The following TGFBR3 variants were observed in gnomAD, a reference collection of about 807,000 sequenced individuals.
TGFBR3 encodes the protein transforming growth factor beta receptor type 3.
In TGFBR3, 46 loss-of-function variants were observed where a neutral mutation model predicts 87.9. The observed-to-expected ratio is 0.52, with a 90% confidence interval of 0.41 to 0.67. The LOEUF (loss-of-function observed/expected upper bound fraction) is 0.67. TGFBR3 is among the 30% of genes least tolerant of loss of function. TGFBR3 has a pLI of 0.00. For synonymous variants in TGFBR3, 381 were observed against 391.6 expected (o/e 0.97, Z 0.32); for missense variants, 866 against 1,041.9 (o/e 0.83, Z 2.32).
At chr1:91,806,564 C>A (rs1249644930) in intron 2 of TGFBR3, among the ~76,000 whole-genome samples, 1 of 152,088 alleles carries the variant, frequency 6.6e-6, no homozygotes, top group Non-Finnish European at 1.5e-5. Flanking sequence ...CCAATGCATA[C>A]CAAGTTGACA....
chr1:91,787,461 C>T (rs1344443374), intron 3 of TGFBR3, among the ~76,000 whole-genome samples: 1 of 152,176 alleles, frequency 6.6e-6, no homozygotes, highest in East Asian at 1.9e-4. Flanking sequence ...ACCACAGTGA[C>T]AGCCACTCCT....
chr1:91,809,746 A>G (rs1675962785), intron 2 of TGFBR3, among the ~76,000 whole-genome samples: 1 of 152,162 alleles, frequency 6.6e-6, no homozygotes, highest in Non-Finnish European at 1.5e-5. Context: ...TATAGGTCCC[A>G]ATTATAAGAC....
intron 4 of TGFBR3, among the ~76,000 whole-genome samples, chr1:91,755,600 G>C (rs535909942): frequency 6.6e-6 from 1 of 152,292 alleles, no homozygotes; most frequent in East Asian, 1.9e-4. Flanking sequence ...ACATGGGATT[G>C]ATCCAAATGG....
intron 3 of TGFBR3, among the ~76,000 whole-genome samples, chr1:91,774,945 T>C (rs1423875563): frequency 6.6e-6 from 1 of 152,210 alleles, no homozygotes; most frequent in Non-Finnish European, 1.5e-5. Flanking sequence ...GAAATTTATA[T>C]ATAATAAAAT....
chr1:91,703,865 A>G (rs763273305), intron 14 of TGFBR3, among the ~76,000 whole-genome samples: 9 of 152,252 alleles, frequency 5.9e-5, no homozygotes, highest in African/African-American at 9.6e-5. Flanking sequence ...TGAAAATCAC[A>G]GAACTTCTCC....
chr1:91,878,875 C>CAGA (rs150176667), intron 1 of TGFBR3, among the ~76,000 whole-genome samples: 1,694 of 152,334 alleles, frequency 0.011, 10 homozygotes, highest in South Asian at 0.047. Context: ...ACTAGGAGTC[C>CAGA]AATGTCCAGA....
chr1:91,702,953 G>A (rs1385077441), intron 14 of TGFBR3, among the ~76,000 whole-genome samples: 5 of 152,148 alleles, frequency 3.3e-5, no homozygotes, highest in African/African-American at 1.2e-4. Flanking sequence ...GCTGAGGCAG[G>A]AGAATCACTT....
intron 3 of TGFBR3, among the ~76,000 whole-genome samples, chr1:91,795,195 T>C (rs1403452765): frequency 1.3e-5 from 2 of 152,238 alleles, no homozygotes; most frequent in East Asian, 1.9e-4. Flanking sequence ...TCAAACAGTA[T>C]TGAACTACAA....
At chr1:91,794,239 T>C (rs1002446610) in intron 3 of TGFBR3, among the ~76,000 whole-genome samples, 11 of 152,070 alleles carry the variant, frequency 7.2e-5, no homozygotes, top group Non-Finnish European at 1.6e-4. Context: ...AGTCTCACTC[T>C]GTTGCTCAGG....
rs371708919 is a variant in TGFBR3, at chr1:91,813,140, C to T, written c.62-15669G>A. On this transcript the variant is annotated intron_variant, in intron 2 of 16. Transcript: ENST00000212355. ...CTATTTTCCTTGTAACTCACTAAAA[C>T]GTTCTGACTTCCTTCATGATGCACA... Among the ~76,000 whole-genome samples the T allele has an allele frequency of 1.2e-4, 19 of 152,234 alleles. No homozygotes were observed. The East Asian group carries it at 2.1e-3, about 17-fold the overall frequency.
At position 91,695,796 on chromosome 1, in the gene TGFBR3, C is replaced by G; in HGVS notation, c.2330-17G>C. The G allele has an allele frequency of 6.2e-7, 1 of 1,606,676 alleles. No individual in the cohort carries two copies. Among genetic ancestry groups the G allele is most frequent in the Non-Finnish European group, 8.5e-7 (1 of 1,173,278 alleles). ...GGAAAATTGCTATAAAGGAGAGAAA[C>G]CGATACACACAACTTTTTGGTTAGT... On this transcript the variant is annotated splice_polypyrimidine_tract_variant and intron_variant, in intron 15 of 16. Transcript: ENST00000212355.
chr1:91,823,701 G>A (rs1676533107), intron 2 of TGFBR3, among the ~76,000 whole-genome samples: 1 of 152,200 alleles, frequency 6.6e-6, no homozygotes, highest in African/African-American at 2.4e-5. Context: ...CTGGGACTGG[G>A]GATATGGACT....
rs1330623006 is a variant in TGFBR3 at position 91,886,147 on chromosome 1, C to T, written c.-383G>A. On this transcript the variant is annotated 5_prime_UTR_variant, in exon 1 of 17. Coordinates refer to ENST00000212355, the MANE Select transcript of TGFBR3 (RefSeq NM_003243.5). ...TGCCGCTCGGCGTCCCCGAAACCCT[C>T]GATTACCCCCATCAGGCCGACCCGG... The T allele has an allele frequency of 1.3e-5, 6 of 454,000 alleles. No homozygotes were observed. The East Asian group carries it at 4.2e-4, about 32-fold the overall frequency. The allele number at this position is 454,000 out of a possible 1,614,324, so 28.1% of individuals were successfully genotyped here. A position where few individuals can be genotyped will look rare whatever the true frequency, so the allele number is the denominator to read the frequency against.
At chr1:91,859,013 C>G (rs1190985449) in intron 2 of TGFBR3, among the ~76,000 whole-genome samples, 1 of 151,570 alleles carries the variant, frequency 6.6e-6, no homozygotes, top group Non-Finnish European at 1.5e-5. Flanking sequence ...CGAGATGGCA[C>G]CACTGCACTC....
intron 3 of TGFBR3, among the ~76,000 whole-genome samples, chr1:91,763,571 C>T (rs1304906034): frequency 6.6e-6 from 1 of 152,202 alleles, no homozygotes; most frequent in South Asian, 2.1e-4. Context: ...TGTATATAGC[C>T]ATCATCTGTC....
At chr1:91,696,055 C>T (rs1405816027) in intron 15 of TGFBR3, among the ~76,000 whole-genome samples, 1 of 152,154 alleles carries the variant, frequency 6.6e-6, no homozygotes, top group East Asian at 1.9e-4. Flanking sequence ...TCAGTAAAAT[C>T]TTGTCTGTCA....
chr1:91,813,356 C>A (rs536627493), intron 2 of TGFBR3, among the ~76,000 whole-genome samples: 1 of 152,254 alleles, frequency 6.6e-6, no homozygotes, highest in South Asian at 2.1e-4. Context: ...GGGCTTCAAG[C>A]TTTTCAGAAG....
chr1:91,902,023 T>C (rs919149022), intron 1 of TGFBR3, among the ~76,000 whole-genome samples: 15 of 151,268 alleles, frequency 9.9e-5, no homozygotes, highest in Admixed American at 2.0e-4. Context: ...GCTCCATTAA[T>C]TTATAATAAT....
At chr1:91,798,424 T>C (rs988281851) in intron 2 of TGFBR3, among the ~76,000 whole-genome samples, 1 of 151,980 alleles carries the variant, frequency 6.6e-6, no homozygotes, top group Non-Finnish European at 1.5e-5. Flanking sequence ...GTCTCATCCC[T>C]CCCCACTCCA....
Sources: gnomAD v4.1 joint callset for allele counts (sites outside exome capture counted in the v4.1 genomes callset) on GRCh38, gnomAD v4.1.1 for gene constraint, MANE v1.5 for transcripts, NCBI Gene and HGNC (gene_info 2026-07-23, HGNC 2026-07-21) for gene names.